Variants in PCDH15 observed in about 807,000 individuals in gnomAD.
The protein encoded by PCDH15 is protocadherin-15.
Under a neutral mutation model 178.5 loss-of-function variants are expected in PCDH15, and 129 were observed. The ratio of observed to expected loss-of-function variants is 0.72; its 90% confidence interval spans 0.63 to 0.84. The LOEUF (loss-of-function observed/expected upper bound fraction) is 0.84, where lower values mean the gene tolerates loss of function less well. PCDH15 is among the 40% of genes least tolerant of loss of function. PCDH15 has a pLI of 0.00. For missense variants in PCDH15, 2,230 were observed against 2,099.9 expected, an observed-to-expected ratio of 1.06 and a Z score of -1.21; for synonymous variants, 800 against 732.0, an observed-to-expected ratio of 1.09 and a Z score of -1.50.
intron 9 of PCDH15, among the ~76,000 whole-genome samples, chr10:54,230,385 A>T (rs577087273): frequency 6.6e-6 from 1 of 152,294 alleles, no homozygotes; most frequent in East Asian, 1.9e-4. Context: ...ATAAGAAAAC[A>T]AAAAAGGAAA....
chr10:54,952,162 C>A (rs74735587), intron 2 of PCDH15, among the ~76,000 whole-genome samples: 2 of 151,746 alleles, frequency 1.3e-5, no homozygotes, highest in Non-Finnish European at 1.5e-5. Flanking sequence ...TACATTGGGG[C>A]CTATAATCCA....
intron 1 of PCDH15, among the ~76,000 whole-genome samples, chr10:54,735,418 G>A (rs1943968879): frequency 6.6e-6 from 1 of 151,628 alleles, no homozygotes; most frequent in Admixed American, 6.6e-5. Flanking sequence ...ACTGTTGGTG[G>A]GACTGTAAAC....
At chr10:54,614,623 C>T (rs151123106) in intron 2 of PCDH15, among the ~76,000 whole-genome samples, 1 of 151,978 alleles carries the variant, frequency 6.6e-6, no homozygotes, top group Non-Finnish European at 1.5e-5. Context: ...ATAATAAACA[C>T]TAATGAAGTG....
intron 2 of PCDH15, among the ~76,000 whole-genome samples, chr10:55,551,215 T>C (rs1841997367): frequency 6.6e-6 from 1 of 151,978 alleles, no homozygotes; most frequent in South Asian, 2.1e-4. Context: ...ATTATGAAAA[T>C]AGAAGCTATC....
chr10:53,909,601 G>A (rs201493216), intron 25 of PCDH15, among the ~76,000 whole-genome samples: 3 of 152,174 alleles, frequency 2.0e-5, no homozygotes, highest in South Asian at 2.1e-4. Flanking sequence ...CGCAGAAGAC[G>A]GGTGATTTCT....
intron 5 of PCDH15, among the ~76,000 whole-genome samples, chr10:54,360,571 G>A (rs112894606): frequency 2.5e-3 from 383 of 152,102 alleles, no homozygotes; most frequent in Non-Finnish European, 3.8e-3. Context: ...ACCTTTTAGA[G>A]TTTTTTCATA....
chr10:54,614,969 G>C (rs1325459273), intron 2 of PCDH15, among the ~76,000 whole-genome samples: 1 of 151,954 alleles, frequency 6.6e-6, no homozygotes, highest in African/African-American at 2.4e-5. Flanking sequence ...TCAGTAAATG[G>C]TAATTGTTTT....
At chr10:55,207,682 A>G (rs532845201) in intron 1 of PCDH15, among the ~76,000 whole-genome samples, 2 of 152,302 alleles carry the variant, frequency 1.3e-5, no homozygotes, top group East Asian at 3.9e-4. Flanking sequence ...AAATTAATAC[A>G]TACAGGCTGG....
intron 2 of PCDH15, among the ~76,000 whole-genome samples, chr10:55,349,311 C>T (rs1288795387): frequency 1.3e-5 from 2 of 152,048 alleles, no homozygotes; most frequent in African/African-American, 4.8e-5. Context: ...ATTCCAGAAC[C>T]AATGTTCATA....
chr10:54,946,078 T>C (rs1838191029), intron 2 of PCDH15, among the ~76,000 whole-genome samples: 1 of 151,822 alleles, frequency 6.6e-6, no homozygotes, highest in Admixed American at 6.6e-5. Flanking sequence ...AGGAAACCAA[T>C]GTCATAATTG....
At chr10:54,299,464 G>C (rs568573827) in intron 8 of PCDH15, among the ~76,000 whole-genome samples, 103 of 152,250 alleles carry the variant, frequency 6.8e-4, no homozygotes, top group African/African-American at 2.2e-3. Context: ...GATAATTAAG[G>C]GTCTTCTCTG....
chr10:54,511,920 G>C (rs916095023), intron 3 of PCDH15, among the ~76,000 whole-genome samples: 2 of 151,842 alleles, frequency 1.3e-5, no homozygotes, highest in Non-Finnish European at 2.9e-5. Context: ...TTGAAGCCCA[G>C]TTGGACACTA....
chr10:53,938,136 A>G (rs923753601), intron 25 of PCDH15, among the ~76,000 whole-genome samples: 7 of 152,102 alleles, frequency 4.6e-5, no homozygotes, highest in African/African-American at 1.7e-4. Context: ...TCCCTTCACA[A>G]ATTGGCTTTT....
chr10:55,077,102 C>CTTT (rs34382338), intron 2 of PCDH15, among the ~76,000 whole-genome samples: 13 of 146,276 alleles, frequency 8.9e-5, no homozygotes, highest in African/African-American at 2.5e-4. Context: ...GCTACTACTC[C>CTTT]TTTTTTTTTT....
At chr10:54,718,615 G>A (rs2095509274) in intron 1 of PCDH15, among the ~76,000 whole-genome samples, 1 of 147,654 alleles carries the variant, frequency 6.8e-6, no homozygotes, top group South Asian at 2.1e-4. Flanking sequence ...AGATGATAAA[G>A]AACCAGAGAA....
chr10:55,138,518 A>T (rs922618406), intron 2 of PCDH15, among the ~76,000 whole-genome samples: 2 of 152,092 alleles, frequency 1.3e-5, no homozygotes, highest in African/African-American at 2.4e-5. Flanking sequence ...TGTGTCCTGT[A>T]GGAGCTCCCT....
intron 1 of PCDH15, among the ~76,000 whole-genome samples, chr10:54,684,174 C>T (rs1244250979): frequency 5.9e-5 from 9 of 151,822 alleles, no homozygotes; most frequent in African/African-American, 1.9e-4. Context: ...TACTCAAACA[C>T]GTCTTCAAAT....
intron 25 of PCDH15, among the ~76,000 whole-genome samples, chr10:53,924,167 C>T (rs146907076): frequency 0.014 from 2,091 of 152,236 alleles, 35 homozygotes; most frequent in African/African-American, 0.044. Flanking sequence ...CCTCTGCTTG[C>T]GGGGAGGTGT....
At chr10:54,332,713 C>T (rs1302085170) in intron 6 of PCDH15, among the ~76,000 whole-genome samples, 3 of 151,918 alleles carry the variant, frequency 2.0e-5, no homozygotes, top group Non-Finnish European at 2.9e-5. Context: ...GCAGAAATAA[C>T]CTATCCTTAA....
Sources: gnomAD v4.1 joint callset for allele counts (sites outside exome capture counted in the v4.1 genomes callset) on GRCh38, gnomAD v4.1.1 for gene constraint, MANE v1.5 for transcripts, NCBI Gene and HGNC (gene_info 2026-07-23, HGNC 2026-07-21) for gene names.